Variants in DYNAP observed in about 807,000 individuals in gnomAD.
DYNAP encodes the protein dynactin-associated protein.
Under a neutral mutation model 8.5 loss-of-function variants are expected in DYNAP, and 7 were observed. That is an observed-to-expected ratio of 0.82 (90% CI 0.47 to 1.54). The LOEUF (loss-of-function observed/expected upper bound fraction) is 1.54. DYNAP is among the 40% of genes most tolerant of loss of function. The pLI is 0.01. For missense variants in DYNAP, 256 were observed against 224.3 expected, an observed-to-expected ratio of 1.14 and a Z score of -0.90; for synonymous variants, 77 against 77.9, an observed-to-expected ratio of 0.99 and a Z score of 0.06.
chr18:54,598,196 T>TTG lies in DYNAP; in HGVS notation c.*51_*52insTG. 6.5e-7 allele frequency: 1 copy of TTG among 1,545,228 alleles called. No individual in the cohort carries two copies. The highest frequency in any genetic ancestry group is 8.8e-7 in the Non-Finnish European group (1 of 1,140,516). On this transcript the variant is annotated 3_prime_UTR_variant, in exon 3 of 3. Coordinates refer to ENST00000648945, the MANE Select transcript of DYNAP (RefSeq NM_173629.3). Reference sequence around the variant, plus strand: ...AACTGAAACTTCAACCTCTACCACTTCAACTCAGTTTGCAACTATAATAGC... The same window carrying TTG: ...AACTGAAACTTCAACCTCTACCACTTTGCAACTCAGTTTGCAACTATAATAGC...
the DYNAP span, among the ~76,000 whole-genome samples, chr18:54,579,042 G>C: frequency 6.6e-6 from 1 of 151,930 alleles, no homozygotes; most frequent in Non-Finnish European, 1.5e-5. Flanking sequence ...CTCATGGTCC[G>C]CCCGCCTCGG....
At chr18:54,591,902 T>C (rs746399172) in intron 1 of DYNAP, among the ~76,000 whole-genome samples, 1 of 152,304 alleles carries the variant, frequency 6.6e-6, no homozygotes, top group Non-Finnish European at 1.5e-5. Context: ...CATATATCTG[T>C]ATCATATACA....
upstream of DYNAP, among the ~76,000 whole-genome samples, chr18:54,589,218 G>A (rs955263012): frequency 4.6e-5 from 7 of 151,992 alleles, no homozygotes; most frequent in East Asian, 1.9e-4. Context: ...TCCCCTTGCC[G>A]CCTTAGAGTG....
rs377066854 is a variant in DYNAP, at chr18:54,591,316, G to A, written c.34G>A (p.Val12Ile). The A allele has an allele frequency of 2.4e-5, 39 of 1,609,196 alleles. No homozygotes were observed. The highest frequency in any genetic ancestry group is 1.7e-4 in the Middle Eastern group (1 of 6,054). ...DRKHGKYILN[V>I]EHSENQPPIT... ...AAAGCATGGAAAATACATATTGAAC[G>A]TTGAGCACTCTGAAAACCAGCCGGT... is the stretch of plus-strand genomic sequence containing the variant. Residue 12 changes from valine to isoleucine, a missense_variant, in exon 1 of 3, where the codon GTT becomes ATT. Coordinates refer to ENST00000648945, the MANE Select transcript of DYNAP (RefSeq NM_173629.3).
upstream of DYNAP, among the ~76,000 whole-genome samples, chr18:54,586,225 G>A (rs937343595): frequency 6.6e-6 from 1 of 152,150 alleles, no homozygotes; most frequent in African/African-American, 2.4e-5. Context: ...CCTGAAAACT[G>A]TAGTCCCACT....
In DYNAP at chr18:54,597,886, T is replaced by A. The variant is rs79727013; in HGVS notation, c.296T>A (p.Met99Lys). 1.9e-6 allele frequency: 3 copies of A among 1,613,514 alleles called. No homozygotes were observed. In the South Asian group the frequency reaches 3.3e-5, roughly 18 times the overall value. The change falls in exon 3 of 3, where the codon ATG (methionine) becomes AAG (lysine). Residue 99 changes from methionine to lysine, a missense_variant. Transcript: ENST00000648945. ...FLACLLACVI[M>K]TAIGVLIICL... ...GCTTGTCTCTTAGCCTGTGTGATAA[T>A]GACAGCAATTGGAGTACTTATAATA...
At chr18:54,586,470 A>C (rs1228936722), upstream of DYNAP, among the ~76,000 whole-genome samples, 1 of 152,180 alleles carries the variant, frequency 6.6e-6, no homozygotes, top group Non-Finnish European at 1.5e-5. Flanking sequence ...GGCTGGTCTA[A>C]TTCCAGGTGG....
chr18:54,583,054 G>A (rs1350588326), upstream of DYNAP, among the ~76,000 whole-genome samples: 1 of 152,090 alleles, frequency 6.6e-6, no homozygotes, highest in Admixed American at 6.6e-5. Context: ...CATCTTTGAG[G>A]GTCAATTTTT....
Position 54,598,037 on chromosome 18 carries a change from C to G in DYNAP, c.447C>G (p.Thr149=), listed in dbSNP as rs1370979554. 6.2e-7 allele frequency: 1 copy of G among 1,613,538 alleles called. No individual in the cohort carries two copies. The highest frequency in any genetic ancestry group is 2.2e-5 in the East Asian group (1 of 44,842). The stretch of plus-strand genomic sequence containing the variant: ...CTGCTTGTCCACCTACAATGACCAC[C>G]ACTTCAACTGTACCTGCAAGTACAG... ...PSPACPPTMT[T]TSTVPASTAT... is the part of the protein sequence containing the mutation. Residue 149 remains threonine (T), a synonymous_variant, in exon 3 of 3, where the codon ACC becomes ACG. Coordinates refer to ENST00000648945, the MANE Select transcript of DYNAP (RefSeq NM_173629.3).
At chr18:54,578,571 G>A in the DYNAP span, among the ~76,000 whole-genome samples, 2 of 152,126 alleles carry the variant, frequency 1.3e-5, no homozygotes, top group African/African-American at 2.4e-5. Flanking sequence ...AAAATGGAGA[G>A]GAAACATGGG....
chr18:54,579,100 G>A, the DYNAP span, among the ~76,000 whole-genome samples: 2 of 152,048 alleles, frequency 1.3e-5, no homozygotes, highest in East Asian at 1.9e-4. Context: ...CGCCCGGCCA[G>A]AAAAGGCAGT....
chr18:54,594,867 A>G lies in DYNAP; in HGVS notation c.58-72A>G. Reference sequence around the variant, plus strand: ...TCATACTCTTAGGTACTTTTGATAGAAGAATTTTATTTTAGCAACTCAACA... The same window carrying G: ...TCATACTCTTAGGTACTTTTGATAGGAGAATTTTATTTTAGCAACTCAACA... On this transcript the variant is annotated intron_variant, in intron 1 of 2. Coordinates refer to ENST00000648945, the MANE Select transcript of DYNAP (RefSeq NM_173629.3). The G allele has an allele frequency of 1.1e-5, 16 of 1,493,338 alleles. No homozygotes were observed. The South Asian group carries it at 2.2e-4, about 20-fold the overall frequency. 92.5% of individuals were successfully genotyped at this position (1,493,338 alleles called of 1,614,324 possible).
At chr18:54,576,644 T>TAAA in the DYNAP span, among the ~76,000 whole-genome samples, 1 of 149,834 alleles carries the variant, frequency 6.7e-6, no homozygotes, top group Non-Finnish European at 1.5e-5. Context: ...ACAAAAACAA[T>TAAA]AAAAAAAAAT....
At chr18:54,588,072 CAA>C (rs757616612), upstream of DYNAP, among the ~76,000 whole-genome samples, 268 of 152,182 alleles carry the variant, frequency 1.8e-3, no homozygotes, top group Non-Finnish European at 2.1e-3. Flanking sequence ...AAGTTAAAAT[CAA>C]AAGTCAAGCT....
chr18:54,589,787 T>C (rs1463670843), upstream of DYNAP, among the ~76,000 whole-genome samples: 1 of 152,104 alleles, frequency 6.6e-6, no homozygotes, highest in East Asian at 1.9e-4. Flanking sequence ...AGTAATATTT[T>C]AAAAATATAC....
upstream of DYNAP, among the ~76,000 whole-genome samples, chr18:54,584,705 C>G (rs111464060): frequency 3.1e-4 from 47 of 152,288 alleles, no homozygotes; most frequent in Middle Eastern, 3.4e-3. Context: ...GAACTGTGCT[C>G]AGGCCCAGGG....
chr18:54,595,139 G>T, intron 2 of DYNAP, 36 bp downstream of exon 2: 1 of 1,589,644 alleles, frequency 6.3e-7, no homozygotes, highest in Non-Finnish European at 8.6e-7. Flanking sequence ...TTCAAGTTGG[G>T]ATGTGCTCTA....
upstream of DYNAP, among the ~76,000 whole-genome samples, chr18:54,583,073 C>G (rs543929561): frequency 1.8e-4 from 28 of 152,098 alleles, no homozygotes; most frequent in Non-Finnish European, 3.5e-4. Flanking sequence ...TTTGGAATCA[C>G]TCTTTTTTTT....
chr18:54,591,653 T>C (rs758002458), intron 1 of DYNAP, among the ~76,000 whole-genome samples: 9 of 152,138 alleles, frequency 5.9e-5, no homozygotes, highest in African/African-American at 2.2e-4. Context: ...ACTCCAATGA[T>C]GTCAGTGTTT....
Sources: allele counts gnomAD v4.1 joint callset (sites outside exome capture counted in the v4.1 genomes callset), GRCh38; gene constraint gnomAD v4.1.1; transcripts MANE v1.5; gene names NCBI Gene and HGNC (gene_info 2026-07-23, HGNC 2026-07-21).